BAIAP2: variants seen among roughly 807,000 people sequenced by gnomAD.
The protein encoded by BAIAP2 is BAR/IMD domain-containing adapter protein 2.
In BAIAP2, 18 loss-of-function variants were observed where a neutral mutation model predicts 63.0. The observed-to-expected ratio is 0.29, with a 90% confidence interval of 0.20 to 0.42. BAIAP2 has a LOEUF of 0.42. Among genes scored for constraint, BAIAP2 ranks in the 10% least tolerant of loss-of-function variants. The pLI, the probability that BAIAP2 is intolerant of heterozygous loss-of-function variation, is 1.00. For synonymous variants in BAIAP2, 386 were observed against 307.6 expected, an observed-to-expected ratio of 1.25 and a Z score of -2.67; for missense variants, 610 against 734.3, an observed-to-expected ratio of 0.83 and a Z score of 1.96.
At chr17:81,083,046 A>G (rs2054906129) in intron 3 of BAIAP2, 1 of 152,396 alleles carries the variant, frequency 6.6e-6, no homozygotes, top group South Asian at 2.1e-4. Flanking sequence ...TGGAAGGGCG[A>G]GAGGACCCGG....
At chr17:81,042,130 C>G (rs532158837) in intron 1 of BAIAP2, among the ~76,000 whole-genome samples, 47 of 131,958 alleles carry the variant, frequency 3.6e-4, no homozygotes, top group Non-Finnish European at 7.0e-4. Flanking sequence ...TTTTTTTTTT[C>G]TTTTCTTTTT....
intron 7 of BAIAP2, among the ~76,000 whole-genome samples, chr17:81,101,837 C>T (rs866012496): frequency 6.6e-6 from 1 of 152,242 alleles, no homozygotes; most frequent in Non-Finnish European, 1.5e-5. Context: ...AAGGACTCAG[C>T]GGTGACAGGC....
rs2050173699 is a variant in BAIAP2 at position 81,059,444 on chromosome 17, AG to A, written c.217+1481del. 2.0e-5 allele frequency among the ~76,000 whole-genome samples: 3 copies of A among 152,056 alleles called. No individual in the cohort carries two copies. In the South Asian group the frequency reaches 6.2e-4, roughly 32 times the overall value. ...GGCAGAAGCAGTGGGTGTCTGTGAA[AG>A]GGGCATTTTCTTTTTCATTAGAGAC... On this transcript the variant is annotated intron_variant, in intron 3 of 13. Coordinates refer to ENST00000428708, the MANE Select transcript of BAIAP2 (RefSeq NM_001144888.2).
chr17:81,055,249 G>A (rs1030696329), intron 2 of BAIAP2, among the ~76,000 whole-genome samples: 4 of 152,000 alleles, frequency 2.6e-5, no homozygotes, highest in African/African-American at 4.8e-5. Context: ...CTCCAACCGA[G>A]CACCTGGCAG....
chr17:81,106,179 C>T (rs767157888), intron 11 of BAIAP2, 33 bp downstream of exon 11: 2 of 1,554,612 alleles, frequency 1.3e-6, no homozygotes, highest in East Asian at 2.4e-5. Flanking sequence ...GTGTAAGATC[C>T]CCAGCTCGGG....
intron 3 of BAIAP2, among the ~76,000 whole-genome samples, chr17:81,072,527 G>T (rs2052878246): frequency 6.6e-6 from 1 of 152,316 alleles, no homozygotes; most frequent in Admixed American, 6.5e-5. Flanking sequence ...CCTCACAGCC[G>T]TCTCCACGTC....
chr17:81,102,214 G>A (rs986306206), intron 7 of BAIAP2, among the ~76,000 whole-genome samples: 5 of 152,108 alleles, frequency 3.3e-5, no homozygotes, highest in East Asian at 1.9e-4. Context: ...AGGGCAGTTC[G>A]TAGTAGCTCC....
chr17:81,115,011 G>A (rs777314592), intron 13 of BAIAP2, among the ~76,000 whole-genome samples: 18 of 152,228 alleles, frequency 1.2e-4, no homozygotes, highest in Non-Finnish European at 2.4e-4. Flanking sequence ...CCCCCATCCT[G>A]TCCTGTGCTG....
intron 1 of BAIAP2, among the ~76,000 whole-genome samples, chr17:81,049,566 C>T (rs369581016): frequency 6.6e-6 from 1 of 152,222 alleles, no homozygotes; most frequent in African/African-American, 2.4e-5. Context: ...CCAGCACTGT[C>T]AGGGCGTCTG....
At chr17:81,092,040 G>C (rs2056863160) in intron 6 of BAIAP2, among the ~76,000 whole-genome samples, 1 of 152,374 alleles carries the variant, frequency 6.6e-6, no homozygotes, top group South Asian at 2.1e-4. Context: ...GGTGGCTGGT[G>C]CCTGACTCTG....
rs1253812676 is a variant in BAIAP2, at chr17:81,104,599, C to T, written c.1152C>T (p.Ser384=). Residue 384 remains serine (S), a synonymous_variant, in exon 10 of 14, where the codon TCC becomes TCT. Transcript: ENST00000428708. ...NGRMRVKAIF[S]HAAGDNSTLL... ...GTATGCGGGTGAAGGCCATCTTCTC[C>T]CACGCTGCTGGGGACAACAGCACCC... The T allele has an allele frequency of 9.3e-6, 15 of 1,612,382 alleles. No homozygotes were observed. The highest frequency in any genetic ancestry group is 1.1e-5 in the Non-Finnish European group (13 of 1,179,888).
intron 1 of BAIAP2, among the ~76,000 whole-genome samples, chr17:81,047,777 A>G (rs1227827901): frequency 6.9e-6 from 1 of 145,214 alleles, no homozygotes; most frequent in South Asian, 2.2e-4. Context: ...CAGCACACAC[A>G]CAGGCCCAGC....
chr17:81,083,333 G>A (rs891457442), intron 3 of BAIAP2: 1 of 152,282 alleles, frequency 6.6e-6, no homozygotes, highest in Non-Finnish European at 1.5e-5. Flanking sequence ...ATTCAGGGAG[G>A]GACAGGAATC....
intron 6 of BAIAP2, 65 bp from the exon 7 acceptor site, chr17:81,099,863 C>T: frequency 6.3e-7 from 1 of 1,577,020 alleles, no homozygotes; most frequent in Middle Eastern, 1.7e-4. Flanking sequence ...GTGGGGCTGC[C>T]CCAAACCGGT....
chr17:81,106,539 TC>T (rs1410162091), intron 11 of BAIAP2, among the ~76,000 whole-genome samples: 1 of 152,208 alleles, frequency 6.6e-6, no homozygotes, highest in Non-Finnish European at 1.5e-5. Flanking sequence ...TCTGGAGTCC[TC>T]CCGGCTTAGC....
intron 11 of BAIAP2, 93 bp downstream of exon 11, chr17:81,106,239 G>A (rs1184290079): frequency 1.5e-6 from 2 of 1,330,318 alleles, no homozygotes; most frequent in Non-Finnish European, 2.1e-6. Context: ...GCTCGGCTGG[G>A]CTTCCGGCTC....
intron 10 of BAIAP2, chr17:81,104,970 C>G: frequency 4.3e-6 from 2 of 464,132 alleles, no homozygotes; most frequent in Non-Finnish European, 7.9e-6. Flanking sequence ...GGGATCTCCC[C>G]CCAACAGCAG....
intron 11 of BAIAP2, 115 bp downstream of exon 11, chr17:81,106,261 C>CT: frequency 9.0e-7 from 1 of 1,112,260 alleles, no homozygotes; most frequent in Non-Finnish European, 1.3e-6. Flanking sequence ...TTGTCTGCTA[C>CT]CGCAGGGCCA....
chr17:81,080,435 C>T (rs866792176), intron 3 of BAIAP2, among the ~76,000 whole-genome samples: 4 of 152,268 alleles, frequency 2.6e-5, no homozygotes, highest in Non-Finnish European at 5.9e-5. Context: ...CCTGTGTGTG[C>T]GCCAGCCGCA....
Sources: allele counts gnomAD v4.1 joint callset (sites outside exome capture counted in the v4.1 genomes callset), GRCh38; gene constraint gnomAD v4.1.1; transcripts MANE v1.5; gene names NCBI Gene and HGNC (gene_info 2026-07-23, HGNC 2026-07-21).